The following SPAG5 variants were observed in gnomAD, a reference collection of about 807,000 sequenced individuals.
SPAG5 encodes sperm associated antigen 5.
SPAG5 carries 99 observed loss-of-function variants against 145.4 expected under a neutral mutation model. The observed-to-expected ratio is 0.68, with a 90% CI of 0.58 to 0.80. SPAG5 has a LOEUF of 0.80. Among genes scored for constraint, SPAG5 ranks in the 30% least tolerant of loss-of-function variants. The probability of loss-of-function intolerance (pLI) is 0.00; values close to 1 mark genes in which losing one functional copy is unlikely to be tolerated. For synonymous variants in SPAG5, 477 were observed against 525.4 expected, an observed-to-expected ratio of 0.91 and a Z score of 1.26; for missense variants, 1,192 against 1,416.0, an observed-to-expected ratio of 0.84 and a Z score of 2.54.
At chr17:28,595,257 CAAA>C (rs368277300) in intron 2 of SPAG5, among the ~76,000 whole-genome samples, 3 of 58,118 alleles carry the variant, frequency 5.2e-5, no homozygotes, top group African/African-American at 5.7e-5. Flanking sequence ...GACTCCTTCT[CAAA>C]AAAAAAAAAA....
At chr17:28,584,066 T>C in intron 13 of SPAG5, 80 bp from the exon 14 acceptor site, 1 of 1,607,268 alleles carries the variant, frequency 6.2e-7, no homozygotes. Flanking sequence ...TAGTTCACAG[T>C]CTCAAACCTT....
At chr17:28,590,180 A>T (rs759763664) in intron 4 of SPAG5, among the ~76,000 whole-genome samples, 6 of 152,182 alleles carry the variant, frequency 3.9e-5, no homozygotes, top group South Asian at 2.1e-4. Context: ...ATTAGTTCGT[A>T]TATCTGTGGA....
intron 2 of SPAG5, among the ~76,000 whole-genome samples, chr17:28,595,901 C>A (rs977145293): frequency 6.6e-6 from 1 of 151,832 alleles, no homozygotes; most frequent in African/African-American, 2.4e-5. Context: ...ACAAAAATTA[C>A]CTGGGCGTAG....
chr17:28,578,378 G>C lies in SPAG5; in HGVS notation c.3349C>G (p.Gln1117Glu). The C allele has an allele frequency of 6.2e-7, 1 of 1,614,158 alleles. No homozygotes were observed. The change falls in exon 21 of 24, where the codon CAG becomes GAG. Residue 1117 changes from glutamine (Q) to glutamate (E), a missense_variant. Around this residue, in one of 5 missense-constraint regions of SPAG5, gnomAD observed 709 missense variants for 840.7 expected, o/e 0.84. Transcript: ENST00000321765. ...CTCTGTTAACTCTGAGTCACCTCCT[G>C]AGAGAGCCACACTTTCTCCTGGATC... ...NWIQEKVWLSQEVDKLRVMFL... is the reference protein window; with the variant it reads ...NWIQEKVWLSEEVDKLRVMFL...
rs200899064 is a variant in SPAG5 at position 28,578,489 on chromosome 17, G to T, written c.3238C>A (p.Arg1080=). The T allele has an allele frequency of 1.2e-6, 2 of 1,612,346 alleles. No individual in the cohort carries two copies. Among genetic ancestry groups the T allele is most frequent in the Non-Finnish European group, 8.5e-7 (1 of 1,180,026 alleles). Reference sequence around the variant, plus strand: ...ACTTTGGTCTCTGTCTCCGCACGCCGAAGTGAGCGGGTAAGGTGGGTCACC... The same window carrying T: ...ACTTTGGTCTCTGTCTCCGCACGCCTAAGTGAGCGGGTAAGGTGGGTCACC... ...EEVTHLTRSL[R]RAETETKVLQ... The change falls in exon 21 of 24, where the codon CGG becomes AGG. Residue 1080 remains arginine (R), a synonymous_variant. Coordinates refer to ENST00000321765, the MANE Select transcript of SPAG5 (RefSeq NM_006461.4).
In SPAG5 at chr17:28,585,943, C is replaced by T. The variant is rs1409604530; in HGVS notation, c.1661G>A (p.Arg554Lys). 3 of 1,614,188 alleles carry T rather than the reference C, an allele frequency of 1.9e-6. No homozygotes were observed. Among genetic ancestry groups the T allele is most frequent in the Non-Finnish European group, 2.5e-6 (3 of 1,180,028 alleles). Residue 554 changes from arginine to lysine, a missense_variant, in exon 7 of 24, where the codon AGG becomes AAG. Transcript: ENST00000321765. ...CCCFDLLKKL[R>K]AKLQSLKAER... ...TGCTTTGAGGCTCTGGAGCTTTGCC[C>T]TCAATTTCTTCAGCAAATCAAAACA...
At chr17:28,589,102 AT>A (rs764519139) in intron 4 of SPAG5, among the ~76,000 whole-genome samples, 311 of 145,820 alleles carry the variant, frequency 2.1e-3, no homozygotes, top group South Asian at 7.0e-3. Flanking sequence ...ATTTAAAATA[AT>A]TTTTTTTTTT....
At chr17:28,586,870 C>T (rs897400794) in intron 4 of SPAG5, among the ~76,000 whole-genome samples, 4 of 152,122 alleles carry the variant, frequency 2.6e-5, no homozygotes, top group African/African-American at 9.7e-5. Flanking sequence ...ACCACCAGCA[C>T]CTCATTCTTC....
chr17:28,597,251 T>C (rs529028300), intron 2 of SPAG5, among the ~76,000 whole-genome samples: 1 of 152,236 alleles, frequency 6.6e-6, no homozygotes, highest in Admixed American at 6.5e-5. Context: ...ACCCTGTCTC[T>C]ACTAAAAATA....
intron 2 of SPAG5, among the ~76,000 whole-genome samples, chr17:28,593,584 G>A (rs2151523157): frequency 6.6e-6 from 1 of 152,208 alleles, no homozygotes; most frequent in East Asian, 1.9e-4. Context: ...CGGGCATGGT[G>A]GTGCTGATGT....
In SPAG5 at chr17:28,587,681, G is replaced by A. The variant is rs2070594739; in HGVS notation, c.1438-1182C>T. On this transcript the variant is annotated intron_variant, in intron 4 of 23. Coordinates refer to ENST00000321765, the MANE Select transcript of SPAG5 (RefSeq NM_006461.4). ...TGCAGTGAGCCATGTTCGTGCCACTGCACTCCAGTGTGGGTAACAGAGTGA... is the reference window on the plus strand; with the variant it reads ...TGCAGTGAGCCATGTTCGTGCCACTACACTCCAGTGTGGGTAACAGAGTGA... 4.3e-5 allele frequency among the ~76,000 whole-genome samples: 6 copies of A among 139,516 alleles called. No homozygotes were observed. In the Admixed American group the frequency reaches 4.6e-4, roughly 11 times the overall value. 91.5% of individuals were successfully genotyped at this position (139,516 alleles called of 152,430 possible).
intron 4 of SPAG5, among the ~76,000 whole-genome samples, chr17:28,590,933 A>G (rs1210866859): frequency 6.6e-6 from 1 of 151,862 alleles, no homozygotes; most frequent in Non-Finnish European, 1.5e-5. Flanking sequence ...CAAAGGATAA[A>G]TGCTTGAGGG....
chr17:28,587,040 C>T (rs1369489995), intron 4 of SPAG5, among the ~76,000 whole-genome samples: 2 of 152,156 alleles, frequency 1.3e-5, no homozygotes, highest in Non-Finnish European at 2.9e-5. Flanking sequence ...CACCCAGCCA[C>T]CTTTCCTATT....
chr17:28,590,355 A>G (rs2070611886), intron 4 of SPAG5, among the ~76,000 whole-genome samples: 2 of 152,054 alleles, frequency 1.3e-5, no homozygotes, highest in African/African-American at 4.8e-5. Context: ...CAGCCTTCCA[A>G]GTAGCTGGGA....
intron 15 of SPAG5, among the ~76,000 whole-genome samples, chr17:28,582,069 ACT>A (rs2070552801): frequency 6.6e-6 from 1 of 151,914 alleles, no homozygotes; most frequent in Non-Finnish European, 1.5e-5. Flanking sequence ...GAATCCATTC[ACT>A]CCATCCTCTC....
At chr17:28,589,326 T>C (rs925951847) in intron 4 of SPAG5, among the ~76,000 whole-genome samples, 3 of 152,106 alleles carry the variant, frequency 2.0e-5, no homozygotes, top group African/African-American at 4.8e-5. Context: ...CTTGAACTCC[T>C]GACCTCAGGT....
At position 28,584,204 on chromosome 17, in the gene SPAG5, C is replaced by T. The variant is rs1364401324; in HGVS notation, c.2358G>A (p.Gln786=). The part of the protein sequence containing the change: ...MALKHMQAEL[Q]QQQAVLAKEV... ...CTTTGGCCAGGACAGCTTGTTGCTGCTGCAGTTCTGCCTGCATGTGTTTTA... is the reference window on the plus strand; with the variant it reads ...CTTTGGCCAGGACAGCTTGTTGCTGTTGCAGTTCTGCCTGCATGTGTTTTA... The change falls in exon 13 of 24, where the codon CAG becomes CAA. Residue 786 remains glutamine (Q), a synonymous_variant. Coordinates refer to ENST00000321765, the MANE Select transcript of SPAG5 (RefSeq NM_006461.4). 2 of 1,613,890 alleles carry T rather than the reference C, an allele frequency of 1.2e-6. No homozygotes were observed. The highest frequency in any genetic ancestry group is 2.7e-5 in the African/African-American group (2 of 74,942).
rs1268637494 is a variant in SPAG5 at position 28,583,957 on chromosome 17, G to A, written c.2442C>T (p.His814=). The A allele has an allele frequency of 6.8e-6, 11 of 1,614,012 alleles. No individual in the cohort carries two copies. The highest frequency in any genetic ancestry group is 8.5e-6 in the Non-Finnish European group (10 of 1,180,050). Residue 814 remains histidine (H), a synonymous_variant, in exon 14 of 24, where the codon CAC becomes CAT. Transcript: ENST00000321765. ...EFADQENQVA[H]LELGQVECQL... ...GACACTCAACCTGACCCAGCTCCAG[G>A]TGAGCAACCTGATTCTCCTGGTCTG...
chr17:28,577,615 G>T lies in SPAG5; in HGVS notation c.*84C>A. The T allele has an allele frequency of 1.1e-6, 1 of 876,486 alleles. No individual in the cohort carries two copies. The highest frequency in any genetic ancestry group is 2.0e-6 in the Non-Finnish European group (1 of 512,484). The allele number at this position is 876,486 out of a possible 1,614,324, so 54.3% of individuals were successfully genotyped here. On this transcript the variant is annotated 3_prime_UTR_variant, in exon 24 of 24. Transcript: ENST00000321765. ...TATTTAAATAGCATTTATCTCAGTT[G>T]GCTCTATGCCAGTTGGTCTTGGTAT...
Sources: allele counts gnomAD v4.1 joint callset (sites outside exome capture counted in the v4.1 genomes callset), GRCh38; gene constraint gnomAD v4.1.1; regional missense constraint gnomAD v4.1.1; transcripts MANE v1.5; gene names NCBI Gene and HGNC (gene_info 2026-07-23, HGNC 2026-07-21).